The following DPYD variants were observed in gnomAD, a reference collection of about 807,000 sequenced individuals.
DPYD encodes dihydropyrimidine dehydrogenase [NADP(+)].
DPYD carries 109 observed loss-of-function variants against 116.2 expected under a neutral mutation model. The observed-to-expected ratio is 0.94, with a 90% confidence interval of 0.80 to 1.10. The LOEUF (loss-of-function observed/expected upper bound fraction) is 1.10, where lower values mean the gene tolerates loss of function less well. DPYD is among the 50% of genes least tolerant of loss of function. The pLI is 0.00. For missense variants in DPYD, 1,302 were observed against 1,254.5 expected (o/e 1.04, Z -0.57); for synonymous variants, 440 against 432.0 (o/e 1.02, Z -0.23).
intron 8 of DPYD, among the ~76,000 whole-genome samples, chr1:97,616,950 A>G (rs1656321173): frequency 6.6e-6 from 1 of 151,864 alleles, no homozygotes; most frequent in African/African-American, 2.4e-5. Context: ...CAGTGGTGGG[A>G]TCTCAGCTCA....
intron 6 of DPYD, among the ~76,000 whole-genome samples, chr1:97,698,488 A>G (rs1334908203): frequency 6.6e-6 from 1 of 151,884 alleles, no homozygotes; most frequent in African/African-American, 2.4e-5. Context: ...AATTTGATTA[A>G]ATTTATCCTC....
At chr1:97,548,564 C>T (rs2102080084) in intron 12 of DPYD, among the ~76,000 whole-genome samples, 1 of 152,038 alleles carries the variant, frequency 6.6e-6, no homozygotes, top group South Asian at 2.1e-4. Flanking sequence ...TAGTGAAACC[C>T]CATCTCTACT....
intron 3 of DPYD, among the ~76,000 whole-genome samples, chr1:97,771,624 C>A (rs749440320): frequency 6.6e-6 from 1 of 152,200 alleles, no homozygotes; most frequent in Non-Finnish European, 1.5e-5. Context: ...TATTCCCTTA[C>A]ATCTGATTCA....
chr1:97,901,532 G>T (rs149123361), intron 1 of DPYD, among the ~76,000 whole-genome samples: 87 of 151,906 alleles, frequency 5.7e-4, no homozygotes, highest in African/African-American at 1.9e-3. Context: ...ATAACAATGA[G>T]TATAGGTTGT....
intron 1 of DPYD, among the ~76,000 whole-genome samples, chr1:97,896,603 T>A (rs753319551): frequency 6.6e-6 from 1 of 151,840 alleles, no homozygotes; most frequent in Non-Finnish European, 1.5e-5. Flanking sequence ...TTCATGAATT[T>A]TAGTATACCT....
chr1:97,830,035 G>A (rs1388365951), intron 2 of DPYD, among the ~76,000 whole-genome samples: 1 of 152,064 alleles, frequency 6.6e-6, no homozygotes, highest in Non-Finnish European at 1.5e-5. Context: ...TGCTGAGAAT[G>A]ATGGTTTCCA....
rs2101975853 is a variant in DPYD at position 97,515,802 on chromosome 1, G to C, written c.1664C>G (p.Thr555Ser). Reference protein sequence around the residue: ...PFGLASATPATSTSMIRRAFE... With the variant: ...PFGLASATPASSTSMIRRAFE... Reference sequence around the variant, plus strand: ...AGCTCTTCGAATCATTGATGTGCTGGTGGCTGGAGTTGCGCTAGCAAGACC... The same window carrying C: ...AGCTCTTCGAATCATTGATGTGCTGCTGGCTGGAGTTGCGCTAGCAAGACC... The change falls in exon 13 of 23, where the codon ACC becomes AGC. Residue 555 changes from threonine to serine, a missense_variant. Thr to Ser is a moderately conservative substitution (Grantham distance 58). Transcript: ENST00000370192. The C allele has an allele frequency of 1.2e-6, 2 of 1,612,922 alleles. No individual in the cohort carries two copies. The highest frequency in any genetic ancestry group is 1.7e-6 in the Non-Finnish European group (2 of 1,179,272).
chr1:97,187,854 T>C (rs905174115), intron 20 of DPYD, among the ~76,000 whole-genome samples: 1 of 152,186 alleles, frequency 6.6e-6, no homozygotes, highest in African/African-American at 2.4e-5. Flanking sequence ...ATACTTTTTG[T>C]CAACTTTGTC....
At chr1:97,374,724 A>G (rs1319751143) in intron 15 of DPYD, among the ~76,000 whole-genome samples, 6 of 84,146 alleles carry the variant, frequency 7.1e-5, no homozygotes, top group Non-Finnish European at 2.1e-4. Flanking sequence ...CTCAGAAAAA[A>G]AAAAAAAAAA....
At chr1:97,130,711 CCTCTCT>C (rs201031721) in intron 20 of DPYD, among the ~76,000 whole-genome samples, 1 of 135,824 alleles carries the variant, frequency 7.4e-6, no homozygotes, top group African/African-American at 2.8e-5. Flanking sequence ...TCCCTCTCTC[CCTCTCT>C]CTTTCTTTCT....
chr1:97,691,636 T>G, intron 7 of DPYD, 81 bp downstream of exon 7: 1 of 1,196,650 alleles, frequency 8.4e-7, no homozygotes, highest in Non-Finnish European at 1.2e-6. Flanking sequence ...CTAAAATGCA[T>G]GACATTTGCT....
At position 97,883,595 on chromosome 1, in the gene DPYD, C is replaced by T. The variant is rs995892334; in HGVS notation, c.40-221G>A. 4.0e-5 allele frequency among the ~76,000 whole-genome samples: 6 copies of T among 151,878 alleles called. No individual in the cohort carries two copies. The South Asian group carries it at 8.3e-4, about 21-fold the overall frequency. On this transcript the variant is annotated intron_variant, in intron 1 of 22. Coordinates refer to ENST00000370192, the MANE Select transcript of DPYD (RefSeq NM_000110.4). ...CCAAGTAGCTCGGACTACAGGCGTA[C>T]GCTACCACACCTGGCTAATTTTTAT...
At chr1:97,622,426 T>C (rs1380114438) in intron 8 of DPYD, among the ~76,000 whole-genome samples, 1 of 151,808 alleles carries the variant, frequency 6.6e-6, no homozygotes, top group Non-Finnish European at 1.5e-5. Flanking sequence ...GCTGTCAAGG[T>C]CATCAAAAAT....
In DPYD at chr1:97,450,242, T is replaced by A. The variant is rs1170666059; in HGVS notation, c.1741-19A>T. The stretch of plus-strand genomic sequence containing the variant: ...CAATGTCCTGATGAAAGAGTAAAGA[T>A]ATTGAGTCTCCTTTTGACAAAGAAA... On this transcript the variant is annotated intron_variant, in intron 13 of 22. Coordinates refer to ENST00000370192, the MANE Select transcript of DPYD (RefSeq NM_000110.4). 1.2e-6 allele frequency: 2 copies of A among 1,612,984 alleles called. No homozygotes were observed. The highest frequency in any genetic ancestry group is 4.5e-5 in the East Asian group (2 of 44,856).
chr1:97,310,174 T>C (rs184136506), intron 16 of DPYD, among the ~76,000 whole-genome samples: 55 of 151,872 alleles, frequency 3.6e-4, no homozygotes, highest in African/African-American at 1.3e-3. Context: ...CACTGCAAAA[T>C]TTTACCAGTT....
intron 5 of DPYD, among the ~76,000 whole-genome samples, chr1:97,714,238 G>A (rs1366359471): frequency 6.6e-6 from 1 of 151,932 alleles, no homozygotes; most frequent in African/African-American, 2.4e-5. Context: ...TTTTTGAGAT[G>A]GAGTCTCGCT....
chr1:97,610,619 C>A (rs777195197), intron 8 of DPYD, among the ~76,000 whole-genome samples: 4 of 151,948 alleles, frequency 2.6e-5, no homozygotes, highest in Non-Finnish European at 5.9e-5. Flanking sequence ...GGTTAAAAAG[C>A]AAAGCTATCT....
intron 14 of DPYD, among the ~76,000 whole-genome samples, chr1:97,447,749 G>C (rs1355099895): frequency 1.3e-5 from 2 of 151,774 alleles, no homozygotes; most frequent in African/African-American, 4.8e-5. Context: ...TCATTTCTTG[G>C]TGGTCATTAT....
intron 18 of DPYD, among the ~76,000 whole-genome samples, chr1:97,291,680 A>G (rs1185260898): frequency 6.7e-6 from 1 of 150,092 alleles, no homozygotes; most frequent in Non-Finnish European, 1.5e-5. Flanking sequence ...CACTCTGGGG[A>G]CTGTTGTGGG....
Sources: allele counts gnomAD v4.1 joint callset (sites outside exome capture counted in the v4.1 genomes callset), GRCh38; gene constraint gnomAD v4.1.1; transcripts MANE v1.5; gene names NCBI Gene and HGNC (gene_info 2026-07-23, HGNC 2026-07-21).